IAPP: variants seen among roughly 807,000 people sequenced by gnomAD.
The protein encoded by IAPP is Islet amyloid polypeptide (diabetes-associated peptide; amylin).
IAPP carries 4 observed loss-of-function variants against 2.9 expected under a neutral mutation model. The ratio of observed to expected loss-of-function variants is 1.39; its 90% CI spans 0.69 to 3.19. The LOEUF (loss-of-function observed/expected upper bound fraction) is 3.19. IAPP is among the 30% of genes most tolerant of loss of function. IAPP has a pLI of 0.01. For missense variants in IAPP, 114 were observed against 105.3 expected (o/e 1.08, Z -0.36); for synonymous variants, 40 against 42.1 (o/e 0.95, Z 0.19).
upstream of IAPP, among the ~76,000 whole-genome samples, chr12:21,370,858 G>A (rs989535506): frequency 6.6e-5 from 10 of 152,076 alleles, no homozygotes; most frequent in Non-Finnish European, 1.2e-4. Context: ...TGTATTTAAC[G>A]CAGAACAGGT....
intron 1 of IAPP, among the ~76,000 whole-genome samples, chr12:21,364,851 A>C (rs916381773): frequency 2.6e-5 from 4 of 152,156 alleles, no homozygotes; most frequent in Non-Finnish European, 4.4e-5. Context: ...GATGTGAAGT[A>C]CCTCTTCAAG....
rs552412745 is a variant in IAPP, at chr12:21,378,709, C to T, written c.*283C>T. The T allele has an allele frequency of 7.4e-5, 22 of 298,456 alleles. No homozygotes were observed. The highest frequency in any genetic ancestry group is 2.6e-4 in the African/African-American group (12 of 46,970). 18.5% of individuals were successfully genotyped at this position (298,456 alleles called of 1,614,324 possible). ...TATCTCAGTGGCACAGGTTTAAGAA[C>T]GAAGGAGAAAAAGGTAGTTTGAACC... On this transcript the variant is annotated 3_prime_UTR_variant, in exon 3 of 3. Transcript: ENST00000240652.
intron 1 of IAPP, among the ~76,000 whole-genome samples, chr12:21,363,724 G>A (rs1420818803): frequency 1.3e-5 from 2 of 152,112 alleles, no homozygotes; most frequent in Non-Finnish European, 2.9e-5. Context: ...TATCACCATC[G>A]ATCCTACAGA....
At chr12:21,367,073 A>T (rs1464453469) in intron 1 of IAPP, among the ~76,000 whole-genome samples, 1 of 152,184 alleles carries the variant, frequency 6.6e-6, no homozygotes, top group African/African-American at 2.4e-5. Context: ...ATATATCAGG[A>T]ATACAGAAAA....
chr12:21,358,743 T>C (rs1314596423), intron 1 of IAPP, among the ~76,000 whole-genome samples: 2 of 138,072 alleles, frequency 1.4e-5, no homozygotes, highest in Admixed American at 1.4e-4. Flanking sequence ...TAAAAAGCGG[T>C]TTGTTGGAGA....
intron 2 of IAPP, among the ~76,000 whole-genome samples, chr12:21,377,458 A>G (rs1263465202): frequency 6.6e-6 from 1 of 152,192 alleles, no homozygotes; most frequent in East Asian, 1.9e-4. Flanking sequence ...TTAAGCATGC[A>G]ATACATTATT....
intron 1 of IAPP, among the ~76,000 whole-genome samples, chr12:21,355,609 T>A (rs1938306221): frequency 6.6e-6 from 1 of 152,140 alleles, no homozygotes; most frequent in Admixed American, 6.6e-5. Flanking sequence ...TCCTAGATGT[T>A]AGGGAATTCT....
At chr12:21,370,055 A>G (rs1021244512), upstream of IAPP, among the ~76,000 whole-genome samples, 14 of 152,234 alleles carry the variant, frequency 9.2e-5, no homozygotes, top group African/African-American at 1.2e-4. Context: ...AGAGAAAGCA[A>G]TTAGCAATTT....
chr12:21,364,943 A>C (rs1939250327), intron 1 of IAPP, among the ~76,000 whole-genome samples: 1 of 152,240 alleles, frequency 6.6e-6, no homozygotes, highest in Non-Finnish European at 1.5e-5. Context: ...GATAGGAAGA[A>C]TCAATGTTGT....
chr12:21,376,253 T>C, intron 2 of IAPP: 1 of 233,614 alleles, frequency 4.3e-6, no homozygotes, highest in African/African-American at 2.3e-5. Flanking sequence ...GCTAAACATA[T>C]CTTGGAACAG....
chr12:21,355,451 A>C (rs1250134198), intron 1 of IAPP, among the ~76,000 whole-genome samples: 1 of 152,196 alleles, frequency 6.6e-6, no homozygotes, highest in Admixed American at 6.5e-5. Flanking sequence ...AGCCATGAGT[A>C]ATCAATAAGT....
chr12:21,362,153 A>G (rs1364270230), intron 1 of IAPP, among the ~76,000 whole-genome samples: 1 of 152,170 alleles, frequency 6.6e-6, no homozygotes, highest in Admixed American at 6.5e-5. Flanking sequence ...GAGAAAGGTC[A>G]GGTTACCCAC....
chr12:21,361,452 C>A (rs1443455600), intron 1 of IAPP, among the ~76,000 whole-genome samples: 1 of 152,116 alleles, frequency 6.6e-6, no homozygotes, highest in Non-Finnish European at 1.5e-5. Context: ...AGCAGAAAAG[C>A]TGAAAATTCT....
At chr12:21,364,860 A>G (rs1255712219) in intron 1 of IAPP, among the ~76,000 whole-genome samples, 1 of 152,180 alleles carries the variant, frequency 6.6e-6, no homozygotes, top group Non-Finnish European at 1.5e-5. Flanking sequence ...TACCTCTTCA[A>G]GGAGAACTAC....
intron 1 of IAPP, among the ~76,000 whole-genome samples, chr12:21,361,396 T>G (rs1938866800): frequency 6.6e-6 from 1 of 152,054 alleles, no homozygotes; most frequent in African/African-American, 2.4e-5. Flanking sequence ...GTCACCATGA[T>G]CAGAGACGAA....
intron 1 of IAPP, among the ~76,000 whole-genome samples, chr12:21,361,238 T>C (rs1270102848): frequency 3.9e-5 from 6 of 152,196 alleles, no homozygotes; most frequent in Admixed American, 3.9e-4. Flanking sequence ...ATATTAGCTG[T>C]TCTTCAGCCT....
chr12:21,376,851 A>C (rs2137107821), intron 2 of IAPP, among the ~76,000 whole-genome samples: 1 of 152,202 alleles, frequency 6.6e-6, no homozygotes, highest in South Asian at 2.1e-4. Context: ...TAACTATTTC[A>C]TTTTCCATTT....
Position 21,367,546 on chromosome 12 carries a change from A to T in IAPP, c.-15-5791A>T, listed in dbSNP as rs1375622957. Among the ~76,000 whole-genome samples the T allele has an allele frequency of 2.0e-5, 3 of 152,126 alleles. No homozygotes were observed. The East Asian group carries it at 5.8e-4, about 29-fold the overall frequency. On this transcript the variant is annotated intron_variant, in intron 1 of 2. Coordinates refer to the IAPP transcript ENST00000539393. ...ATGAAGAGTGGTCATATCATATTTT[A>T]TCATTCTCTGAGACAATTTGCAAGC...
chr12:21,374,820 T>TCC (rs1491312902), intron 2 of IAPP, among the ~76,000 whole-genome samples: 2 of 79,534 alleles, frequency 2.5e-5, no homozygotes, highest in African/African-American at 2.0e-4. Flanking sequence ...TGAGACAGGG[T>TCC]CTCTCTCTCT....
Sources: gnomAD v4.1 joint callset for allele counts (sites outside exome capture counted in the v4.1 genomes callset) on GRCh38, gnomAD v4.1.1 for gene constraint, MANE v1.5 for transcripts, NCBI Gene and HGNC (gene_info 2026-07-23, HGNC 2026-07-21) for gene names.